CAPN13: variants seen among roughly 807,000 people sequenced by gnomAD.
The protein encoded by CAPN13 is calpain-13.
A neutral mutation model predicts 98.4 loss-of-function variants in CAPN13; 90 were observed. That is an observed-to-expected ratio of 0.92 (90% CI 0.77 to 1.09). The LOEUF (loss-of-function observed/expected upper bound fraction) is 1.09, where lower values mean the gene tolerates loss of function less well. Among genes scored for constraint, CAPN13 ranks in the 50% least tolerant of loss-of-function variants. The pLI, the probability that CAPN13 is intolerant of heterozygous loss-of-function variation, is 0.00. For synonymous variants in CAPN13, 330 were observed against 305.5 expected (o/e 1.08, Z -0.84); for missense variants, 887 against 841.3 (o/e 1.05, Z -0.67).
chr2:30,796,653 G>C (rs1674899491), intron 1 of CAPN13, among the ~76,000 whole-genome samples: 1 of 152,290 alleles, frequency 6.6e-6, no homozygotes, highest in African/African-American at 2.4e-5. Flanking sequence ...CCAAGAAGAT[G>C]AAATTAACTA....
At chr2:30,730,062 A>G (rs774418170) in intron 22 of CAPN13, among the ~76,000 whole-genome samples, 1 of 152,230 alleles carries the variant, frequency 6.6e-6, no homozygotes, top group Non-Finnish European at 1.5e-5. Context: ...GCCTCTAGCT[A>G]AGGAATACCT....
At chr2:30,785,599 A>T (rs1674233248) in intron 2 of CAPN13, among the ~76,000 whole-genome samples, 1 of 152,136 alleles carries the variant, frequency 6.6e-6, no homozygotes, top group African/African-American at 2.4e-5. Flanking sequence ...TGTTGGCCTC[A>T]GTTTCTCCTT....
intron 1 of CAPN13, 134 bp from the exon 2 acceptor site, chr2:30,787,491 GGC>G: frequency 3.4e-6 from 2 of 596,474 alleles, no homozygotes; most frequent in Non-Finnish European, 5.6e-6. Context: ...TGTCCCTGGT[GGC>G]ACAGTCAGTG....
At chr2:30,737,014 C>A (rs113040468) in intron 17 of CAPN13, 2 of 192,808 alleles carry the variant, frequency 1.0e-5, no homozygotes, top group African/African-American at 4.7e-5. Context: ...CCTGGCCATG[C>A]CGTATGATGG....
chr2:30,733,684 G>C (rs1572783440), intron 19 of CAPN13, among the ~76,000 whole-genome samples: 1 of 152,150 alleles, frequency 6.6e-6, no homozygotes, highest in Admixed American at 6.5e-5. Context: ...GGCTACAGGT[G>C]GGGGCAACGG....
chr2:30,741,454 A>G (rs1671648427), intron 15 of CAPN13: 2 of 1,003,656 alleles, frequency 2.0e-6, no homozygotes, highest in Admixed American at 5.6e-5. Context: ...ATAACAGTTT[A>G]TTAAGCCATT....
intron 11 of CAPN13, among the ~76,000 whole-genome samples, chr2:30,748,734 G>C (rs1178444044): frequency 6.6e-6 from 1 of 152,106 alleles, no homozygotes; most frequent in East Asian, 1.9e-4. Flanking sequence ...TCAGGTACCA[G>C]GTGTGATGAA....
intron 15 of CAPN13, among the ~76,000 whole-genome samples, chr2:30,739,380 A>G (rs1025443225): frequency 1.3e-5 from 2 of 152,002 alleles, no homozygotes; most frequent in Non-Finnish European, 2.9e-5. Flanking sequence ...AGCACCTTCC[A>G]TCTCCCAGGA....
chr2:30,742,771 A>C (rs1472390048), intron 13 of CAPN13, among the ~76,000 whole-genome samples: 1 of 152,182 alleles, frequency 6.6e-6, no homozygotes, highest in Non-Finnish European at 1.5e-5. Flanking sequence ...AAGAGGAGAC[A>C]AGGGGCCCAG....
At chr2:30,796,721 G>A (rs1165080512) in intron 1 of CAPN13, among the ~76,000 whole-genome samples, 2 of 152,162 alleles carry the variant, frequency 1.3e-5, no homozygotes, top group African/African-American at 4.8e-5. Context: ...TAAATAGTGA[G>A]CAGGATCTGT....
At chr2:30,743,659 C>A in intron 12 of CAPN13, 80 bp from the exon 13 acceptor site, 1 of 1,206,090 alleles carries the variant, frequency 8.3e-7, no homozygotes, top group East Asian at 2.4e-5. Flanking sequence ...GACCCACCAC[C>A]TTCTAGACCG....
At chr2:30,740,322 T>C (rs2147964973) in intron 15 of CAPN13, among the ~76,000 whole-genome samples, 1 of 152,302 alleles carries the variant, frequency 6.6e-6, no homozygotes, top group East Asian at 1.9e-4. Context: ...CTCGAATTCC[T>C]GACCTCCCGA....
chr2:30,800,124 G>GA lies in CAPN13; in HGVS notation c.-33+7177dup, dbSNP rs1363360889. On this transcript the variant is annotated intron_variant, in intron 1 of 22. Transcript: ENST00000295055. ...AAAGAAAGAAAAGAAAGAAAAGAAA[G>GA]AAAGAAAGAAAGAAAGAAAGAAAGA... Among the ~76,000 whole-genome samples the GA allele has an allele frequency of 5.2e-3, 569 of 110,030 alleles. 7 individuals carry two copies. Among genetic ancestry groups the GA allele is most frequent in the African/African-American group, 0.021 (529 of 24,918 alleles). The allele number at this position is 110,030 out of a possible 152,430, so 72.2% of individuals were successfully genotyped here. A position where few individuals can be genotyped will look rare whatever the true frequency, so the allele number is the denominator to read the frequency against.
At position 30,753,290 on chromosome 2, in the gene CAPN13, C is replaced by G; in HGVS notation, c.942-92G>C. On this transcript the variant is annotated intron_variant, in intron 9 of 22. Coordinates refer to ENST00000295055, the MANE Select transcript of CAPN13 (RefSeq NM_144575.3). The stretch of plus-strand genomic sequence containing the variant: ...ACTTCACAGCATAGCCACTGTCCTG[C>G]CCAGAGGCCAGTGTCTGATCCTGGC... The G allele has an allele frequency of 2.3e-6, 3 of 1,319,628 alleles. No homozygotes were observed. The South Asian group carries it at 3.9e-5, about 17-fold the overall frequency. The allele number at this position is 1,319,628 out of a possible 1,614,324, so 81.7% of individuals were successfully genotyped here. A position where few individuals can be genotyped will look rare whatever the true frequency, so the allele number is the denominator to read the frequency against.
Position 30,787,142 on chromosome 2 carries a change from A to AT in CAPN13, c.183dup (p.Trp62MetfsTer18), listed in dbSNP as rs1353725659. 1.2e-5 allele frequency: 19 copies of AT among 1,568,324 alleles called. No homozygotes were observed. The highest frequency in any genetic ancestry group is 1.6e-5 in the Non-Finnish European group (19 of 1,156,696). Reference sequence around the variant, plus strand: ...GGCTCACTCACCTGTGGCCGCTTCCATATCACATTGGAGAGGCGTTTTTCC... The same window carrying AT: ...GGCTCACTCACCTGTGGCCGCTTCCATTATCACATTGGAGAGGCGTTTTTCC... On this transcript the variant is annotated frameshift_variant, in exon 2 of 23. Transcript: ENST00000295055. LOFTEE classifies it high-confidence loss of function.
chr2:30,723,851 A>G (rs961643944), intron 22 of CAPN13, among the ~76,000 whole-genome samples: 3 of 151,204 alleles, frequency 2.0e-5, no homozygotes, highest in African/African-American at 7.3e-5. Flanking sequence ...TAGTTTGCCT[A>G]TTTTTTTTTC....
At chr2:30,732,356 G>C in intron 20 of CAPN13, 82 bp downstream of exon 20, 1 of 1,568,416 alleles carries the variant, frequency 6.4e-7, no homozygotes, top group Non-Finnish European at 8.7e-7. Flanking sequence ...GCAGACCTGG[G>C]GTGGGGTAGG....
At chr2:30,753,709 C>T (rs913712293) in intron 9 of CAPN13, among the ~76,000 whole-genome samples, 5 of 152,138 alleles carry the variant, frequency 3.3e-5, no homozygotes, top group African/African-American at 1.2e-4. Context: ...TATTTAGATC[C>T]ATGCTCCTTT....
In CAPN13 at chr2:30,740,097, T is replaced by G. The variant is rs1171654177; in HGVS notation, c.1537-1640A>C. ...ATTGTATTAGGTTTTTTTTTTTTTTTTTTTTTTTTTTTTTTGAGATGGAGT... is the reference window on the plus strand; with the variant it reads ...ATTGTATTAGGTTTTTTTTTTTTTTGTTTTTTTTTTTTTTTGAGATGGAGT... On this transcript the variant is annotated intron_variant, in intron 15 of 22. Coordinates refer to ENST00000295055, the MANE Select transcript of CAPN13 (RefSeq NM_144575.3). 8.3e-4 allele frequency among the ~76,000 whole-genome samples: 123 copies of G among 147,346 alleles called. 3 individuals carry two copies. Among genetic ancestry groups the G allele is most frequent in the African/African-American group, 1.8e-3 (74 of 40,144 alleles).
Sources: gnomAD v4.1 joint callset for allele counts (sites outside exome capture counted in the v4.1 genomes callset) on GRCh38, gnomAD v4.1.1 for gene constraint, MANE v1.5 for transcripts, NCBI Gene and HGNC (gene_info 2026-07-23, HGNC 2026-07-21) for gene names.